KCNB2: variants seen among roughly 807,000 people sequenced by gnomAD.
KCNB2 encodes delayed rectifier potassium channel protein.
KCNB2 carries 15 observed loss-of-function variants against 61.5 expected under a neutral mutation model. That is an observed-to-expected ratio of 0.24 (90% CI 0.16 to 0.38). KCNB2 has a LOEUF of 0.38. Ranked by LOEUF, KCNB2 falls within the 10% of genes least tolerant of loss-of-function variation. KCNB2 has a pLI of 1.00. For missense variants in KCNB2, 828 were observed against 1,125.2 expected (o/e 0.74, Z 3.78); for synonymous variants, 457 against 446.0 (o/e 1.02, Z -0.31).
intron 2 of KCNB2, among the ~76,000 whole-genome samples, chr8:72,726,175 C>T (rs1012916910): frequency 1.3e-5 from 2 of 152,102 alleles, no homozygotes; most frequent in Non-Finnish European, 2.9e-5. Flanking sequence ...GGGTTAGTCC[C>T]CTTGTAAGAA....
At chr8:72,882,520 TGAG>T (rs926314172) in intron 2 of KCNB2, among the ~76,000 whole-genome samples, 1 of 115,362 alleles carries the variant, frequency 8.7e-6, no homozygotes, top group Admixed American at 8.6e-5. Context: ...TGCTGACAGT[TGAG>T]AGAGAGAGAG....
At chr8:72,892,973 G>C (rs1805924548) in intron 2 of KCNB2, among the ~76,000 whole-genome samples, 2 of 151,934 alleles carry the variant, frequency 1.3e-5, no homozygotes, top group South Asian at 4.1e-4. Context: ...ATCAACCCTT[G>C]GGAATATTTA....
chr8:72,722,127 T>C (rs1024136241), intron 2 of KCNB2, among the ~76,000 whole-genome samples: 1 of 152,108 alleles, frequency 6.6e-6, no homozygotes, highest in African/African-American at 2.4e-5. Context: ...TCATATCTTC[T>C]CAAATCTGAC....
At chr8:72,912,489 CATATATATATAT>C (rs5892374) in intron 2 of KCNB2, among the ~76,000 whole-genome samples, 35 of 137,322 alleles carry the variant, frequency 2.5e-4, no homozygotes, top group African/African-American at 5.8e-4. Flanking sequence ...AGCTTTTATT[CATATATATATAT>C]ATATATATAT....
chr8:72,815,711 T>C (rs1424561671), intron 2 of KCNB2, among the ~76,000 whole-genome samples: 1 of 152,138 alleles, frequency 6.6e-6, no homozygotes, highest in Non-Finnish European at 1.5e-5. Flanking sequence ...ATCTAATCCA[T>C]TACACTGAAT....
intron 1 of KCNB2, among the ~76,000 whole-genome samples, chr8:72,543,224 T>C (rs993656418): frequency 6.6e-6 from 1 of 152,118 alleles, no homozygotes; most frequent in African/African-American, 2.4e-5. Flanking sequence ...CTATCTGTAA[T>C]AGAAAGAGTA....
At chr8:72,699,133 A>C (rs1397213398) in intron 2 of KCNB2, among the ~76,000 whole-genome samples, 10 of 152,202 alleles carry the variant, frequency 6.6e-5, no homozygotes, top group Non-Finnish European at 1.3e-4. Context: ...TCTATAATCT[A>C]TAAGGAACTT....
At chr8:72,738,799 A>G (rs867530540) in intron 2 of KCNB2, among the ~76,000 whole-genome samples, 4 of 152,202 alleles carry the variant, frequency 2.6e-5, no homozygotes, top group Non-Finnish European at 5.9e-5. Context: ...TGGCAAGATA[A>G]TAATACACTG....
At chr8:72,557,215 C>T (rs16919279) in intron 1 of KCNB2, among the ~76,000 whole-genome samples, 1,925 of 152,196 alleles carry the variant, frequency 0.013, 35 homozygotes, top group African/African-American at 0.044. Flanking sequence ...CTCACCTTTC[C>T]CCTCACATGA....
At chr8:72,644,203 C>T (rs1172931588) in intron 2 of KCNB2, among the ~76,000 whole-genome samples, 2 of 152,078 alleles carry the variant, frequency 1.3e-5, no homozygotes, top group Admixed American at 1.3e-4. Flanking sequence ...CCCATGTGCA[C>T]TATAACTATG....
At chr8:72,849,324 T>C (rs931504586) in intron 2 of KCNB2, among the ~76,000 whole-genome samples, 2 of 152,050 alleles carry the variant, frequency 1.3e-5, no homozygotes, top group Admixed American at 1.3e-4. Context: ...TCTCAAACAT[T>C]ATCATTTATT....
intron 2 of KCNB2, among the ~76,000 whole-genome samples, chr8:72,859,042 T>C (rs1006470656): frequency 1.3e-5 from 2 of 152,202 alleles, no homozygotes; most frequent in African/African-American, 4.8e-5. Context: ...TCCTCATAGG[T>C]TGACCCTACG....
intron 2 of KCNB2, among the ~76,000 whole-genome samples, chr8:72,721,139 T>TA (rs1468589803): frequency 2.6e-5 from 4 of 152,234 alleles, no homozygotes; most frequent in Admixed American, 6.5e-5. Context: ...ACTGAAACTT[T>TA]AAAATTGAAA....
intron 2 of KCNB2, among the ~76,000 whole-genome samples, chr8:72,890,426 A>G (rs148191431): frequency 0.011 from 1,706 of 152,226 alleles, 13 homozygotes; most frequent in Middle Eastern, 0.02. Context: ...TTCCTCAGTA[A>G]TAGAGGCTTA....
chr8:72,725,319 A>G (rs184364470), intron 2 of KCNB2, among the ~76,000 whole-genome samples: 271 of 151,828 alleles, frequency 1.8e-3, no homozygotes, highest in African/African-American at 6.4e-3. Flanking sequence ...TGGAGCCAGC[A>G]CATTGATTAC....
At chr8:72,821,925 C>A (rs1442227001) in intron 2 of KCNB2, among the ~76,000 whole-genome samples, 1 of 152,134 alleles carries the variant, frequency 6.6e-6, no homozygotes, top group Non-Finnish European at 1.5e-5. Flanking sequence ...CCACACACAT[C>A]CAGTCAGTTA....
intron 2 of KCNB2, among the ~76,000 whole-genome samples, chr8:72,831,111 G>T (rs974537762): frequency 6.6e-6 from 1 of 152,332 alleles, no homozygotes; most frequent in South Asian, 2.1e-4. Context: ...GCCTCATGCC[G>T]TGGGTAGTCA....
At chr8:72,722,621 T>C (rs981858543) in intron 2 of KCNB2, among the ~76,000 whole-genome samples, 1 of 152,204 alleles carries the variant, frequency 6.6e-6, no homozygotes, top group South Asian at 2.1e-4. Flanking sequence ...CCAGGGTGTG[T>C]CTCTTTCTGC....
chr8:72,542,331 T>C (rs1806201866), intron 1 of KCNB2, among the ~76,000 whole-genome samples: 1 of 152,156 alleles, frequency 6.6e-6, no homozygotes, highest in South Asian at 2.1e-4. Flanking sequence ...TCACATTGTA[T>C]AGCCAACCTT....
Sources: allele counts gnomAD v4.1 joint callset (sites outside exome capture counted in the v4.1 genomes callset), GRCh38; gene constraint gnomAD v4.1.1; transcripts MANE v1.5; gene names NCBI Gene and HGNC (gene_info 2026-07-23, HGNC 2026-07-21).